Variants in GRM5 observed in about 807,000 individuals in gnomAD.
The protein encoded by GRM5 is glutamate metabotropic receptor 5.
Under a neutral mutation model 83.1 loss-of-function variants are expected in GRM5, and 19 were observed. The ratio of observed to expected loss-of-function variants is 0.23; its 90% CI spans 0.16 to 0.34. The LOEUF is 0.34. Among genes scored for constraint, GRM5 ranks in the 10% least tolerant of loss-of-function variants. The pLI is 1.00. For synonymous variants in GRM5, 675 were observed against 633.6 expected (o/e 1.07, Z -0.98); for missense variants, 1,160 against 1,588.3 (o/e 0.73, Z 4.58).
At chr11:88,681,665 G>T (rs1940495358) in intron 3 of GRM5, among the ~76,000 whole-genome samples, 1 of 138,860 alleles carries the variant, frequency 7.2e-6, no homozygotes, top group African/African-American at 2.7e-5. Context: ...TCCCCTCCTG[G>T]GTTCAAACGA....
intron 1 of GRM5, among the ~76,000 whole-genome samples, chr11:89,061,414 T>C (rs1210556486): frequency 6.6e-6 from 1 of 152,166 alleles, no homozygotes; most frequent in African/African-American, 2.4e-5. Flanking sequence ...AAAGACAATA[T>C]AGTAAGACTC....
chr11:88,939,726 C>T (rs552058351), intron 2 of GRM5, among the ~76,000 whole-genome samples: 2 of 151,620 alleles, frequency 1.3e-5, no homozygotes, highest in African/African-American at 2.4e-5. Context: ...TATGAGCACA[C>T]CTGACATTTA....
intron 8 of GRM5, among the ~76,000 whole-genome samples, chr11:88,556,074 C>T (rs748203854): frequency 2.1e-4 from 32 of 152,032 alleles, no homozygotes; most frequent in South Asian, 4.1e-4. Flanking sequence ...AACTTGCCAC[C>T]GAAGGATGTA....
At chr11:88,694,553 A>ATT (rs5793343) in intron 3 of GRM5, among the ~76,000 whole-genome samples, 1,534 of 147,820 alleles carry the variant, frequency 0.01, 27 homozygotes, top group African/African-American at 0.031. Context: ...TTAGAGAACT[A>ATT]TTTTTTTTTT....
At chr11:89,037,384 G>A (rs1006336020) in intron 2 of GRM5, among the ~76,000 whole-genome samples, 7 of 151,874 alleles carry the variant, frequency 4.6e-5, no homozygotes, top group African/African-American at 1.2e-4. Context: ...ATCCTGATGC[G>A]TATACCATTT....
chr11:88,812,635 T>A (rs978287952), intron 3 of GRM5, among the ~76,000 whole-genome samples: 4 of 152,284 alleles, frequency 2.6e-5, no homozygotes, highest in African/African-American at 9.6e-5. Flanking sequence ...CTCTTACTGT[T>A]GATGTTAATA....
intron 3 of GRM5, among the ~76,000 whole-genome samples, chr11:88,827,003 T>C (rs1424497220): frequency 6.6e-6 from 1 of 152,230 alleles, no homozygotes; most frequent in Non-Finnish European, 1.5e-5. Flanking sequence ...AGCAAGATTC[T>C]ACTGTAGGAA....
chr11:88,595,545 C>G (rs188361631), intron 6 of GRM5, among the ~76,000 whole-genome samples: 10 of 152,270 alleles, frequency 6.6e-5, no homozygotes, highest in Admixed American at 1.3e-4. Flanking sequence ...ATTCTGTTCT[C>G]CAGTTCTGTC....
At chr11:88,710,170 T>C (rs1200806002) in intron 3 of GRM5, among the ~76,000 whole-genome samples, 3 of 152,170 alleles carry the variant, frequency 2.0e-5, no homozygotes, top group African/African-American at 7.2e-5. Flanking sequence ...TGTTCAAAAA[T>C]AAGGCACTTG....
chr11:88,928,004 T>C (rs900389145), intron 2 of GRM5, among the ~76,000 whole-genome samples: 2 of 152,042 alleles, frequency 1.3e-5, no homozygotes, highest in African/African-American at 4.8e-5. Context: ...GTTTTTAACA[T>C]AGAAATTAAG....
At chr11:88,949,227 A>T (rs1330565097) in intron 2 of GRM5, among the ~76,000 whole-genome samples, 1 of 152,226 alleles carries the variant, frequency 6.6e-6, no homozygotes, top group African/African-American at 2.4e-5. Flanking sequence ...ACTTTGTTTC[A>T]CCATGAGCTC....
intron 1 of GRM5, among the ~76,000 whole-genome samples, chr11:89,054,953 T>A (rs193005753): frequency 2.0e-5 from 3 of 152,340 alleles, no homozygotes; most frequent in Admixed American, 1.3e-4. Flanking sequence ...ATACAACATA[T>A]TTGCTAATCA....
chr11:89,023,543 G>A (rs1941043290), intron 2 of GRM5, among the ~76,000 whole-genome samples: 1 of 151,964 alleles, frequency 6.6e-6, no homozygotes, highest in East Asian at 1.9e-4. Flanking sequence ...ACCTTACAGT[G>A]GGTCAGTTAA....
At chr11:88,872,702 A>G (rs1325373312) in intron 2 of GRM5, among the ~76,000 whole-genome samples, 2 of 151,330 alleles carry the variant, frequency 1.3e-5, no homozygotes, top group African/African-American at 4.8e-5. Context: ...AGAGAGGGAA[A>G]ACACAGCAAT....
intron 3 of GRM5, among the ~76,000 whole-genome samples, chr11:88,692,629 A>T (rs1352197642): frequency 6.6e-6 from 1 of 152,186 alleles, no homozygotes; most frequent in Non-Finnish European, 1.5e-5. Context: ...GCTTCAGAAA[A>T]ACTGTCATGT....
chr11:88,686,955 C>T (rs886924145), intron 3 of GRM5, among the ~76,000 whole-genome samples: 1 of 152,130 alleles, frequency 6.6e-6, no homozygotes, highest in African/African-American at 2.4e-5. Context: ...ACTAAACCCA[C>T]AGAGAACAGT....
intron 3 of GRM5, among the ~76,000 whole-genome samples, chr11:88,745,878 C>A: frequency 6.6e-6 from 1 of 152,166 alleles, no homozygotes; most frequent in East Asian, 1.9e-4. Context: ...AAGAAGTAGG[C>A]ATTTCTGAAA....
chr11:88,594,089 G>A (rs559009242), intron 6 of GRM5, among the ~76,000 whole-genome samples: 6 of 152,108 alleles, frequency 3.9e-5, no homozygotes, highest in African/African-American at 9.6e-5. Flanking sequence ...CACCCCGCCC[G>A]GCCCTAGAAG....
At chr11:88,814,440 C>T (rs7104730) in intron 3 of GRM5, among the ~76,000 whole-genome samples, 150,116 of 152,300 alleles carry the variant, frequency 0.99, 74,011 homozygotes, top group East Asian at 1. Flanking sequence ...AGTATTGAAT[C>T]GAACAGTACT....
Sources: gnomAD v4.1 joint callset for allele counts (sites outside exome capture counted in the v4.1 genomes callset) on GRCh38, gnomAD v4.1.1 for gene constraint, MANE v1.5 for transcripts, NCBI Gene and HGNC (gene_info 2026-07-23, HGNC 2026-07-21) for gene names.